Variants in TIAM1 observed in about 807,000 individuals in gnomAD.
The protein encoded by TIAM1 is rho guanine nucleotide exchange factor TIAM1.
In TIAM1, 65 loss-of-function variants were observed where a neutral mutation model predicts 163.5. That is an observed-to-expected ratio of 0.40 (90% CI 0.33 to 0.49). The LOEUF is 0.49. Among genes scored for constraint, TIAM1 ranks in the 20% least tolerant of loss-of-function variants. TIAM1 has a pLI of 0.77. For missense variants in TIAM1, 1,789 were observed against 2,044.7 expected (o/e 0.87, Z 2.41); for synonymous variants, 833 against 810.1 (o/e 1.03, Z -0.48).
intron 2 of TIAM1, among the ~76,000 whole-genome samples, chr21:31,394,722 TCTCTCTCA>T (rs2077027946): frequency 1.7e-5 from 2 of 120,824 alleles, no homozygotes; most frequent in South Asian, 3.3e-4. Context: ...TCTCTCTCTC[TCTCTCTCA>T]CACACACACA....
chr21:31,493,342 A>T (rs959273566), intron 1 of TIAM1, among the ~76,000 whole-genome samples: 1 of 152,214 alleles, frequency 6.6e-6, no homozygotes, highest in African/African-American at 2.4e-5. Flanking sequence ...CACACAATCA[A>T]TCAATGATAA....
intron 6 of TIAM1, among the ~76,000 whole-genome samples, chr21:31,239,023 C>T (rs559722821): frequency 3.3e-5 from 5 of 152,224 alleles, no homozygotes; most frequent in South Asian, 4.2e-4. Flanking sequence ...ACATAGCCAC[C>T]GATCTCACAA....
intron 8 of TIAM1, among the ~76,000 whole-genome samples, chr21:31,222,409 C>T (rs765194202): frequency 3.3e-5 from 5 of 152,068 alleles, no homozygotes; most frequent in Non-Finnish European, 7.4e-5. Context: ...TTAGCAAGTA[C>T]ATGAAATTAC....
chr21:31,326,625 C>T (rs1457249094), intron 2 of TIAM1, among the ~76,000 whole-genome samples: 1 of 152,108 alleles, frequency 6.6e-6, no homozygotes, highest in African/African-American at 2.4e-5. Flanking sequence ...CAGGGTATTC[C>T]CCACGCCCTG....
chr21:31,119,536 A>G lies in TIAM1; in HGVS notation c.*832T>C, dbSNP rs1476461286. ...TCGCATGAGCTTGCTGGCCTTTCAT[A>G]TATAAATATAAAACCACCACGCCTC... On this transcript the variant is annotated 3_prime_UTR_variant, in exon 28 of 28. Transcript: ENST00000541036. The G allele has an allele frequency of 6.6e-6, 1 of 152,594 alleles. No individual in the cohort carries two copies. The highest frequency in any genetic ancestry group is 1.5e-5 in the Non-Finnish European group (1 of 68,034). 9.5% of individuals were successfully genotyped at this position (152,594 alleles called of 1,614,324 possible).
intron 2 of TIAM1, among the ~76,000 whole-genome samples, chr21:31,369,429 AG>A (rs2076557742): frequency 1.4e-5 from 2 of 145,460 alleles, no homozygotes; most frequent in African/African-American, 2.6e-5. Flanking sequence ...AGGGAGGATA[AG>A]GAAAGGTTGC....
At chr21:31,410,339 CGA>C (rs942291266) in intron 2 of TIAM1, among the ~76,000 whole-genome samples, 9 of 149,634 alleles carry the variant, frequency 6.0e-5, no homozygotes, top group Non-Finnish European at 8.9e-5. Context: ...TAGGAGACTG[CGA>C]GTGTGTGTGT....
At chr21:31,244,549 A>T (rs753110688) in intron 6 of TIAM1, among the ~76,000 whole-genome samples, 7 of 152,062 alleles carry the variant, frequency 4.6e-5, no homozygotes, top group Admixed American at 3.9e-4. Context: ...ATATGGTGAA[A>T]CCCCGTATCT....
chr21:31,187,583 G>A (rs140593056), intron 13 of TIAM1, among the ~76,000 whole-genome samples: 38 of 152,122 alleles, frequency 2.5e-4, no homozygotes, highest in Admixed American at 5.9e-4. Flanking sequence ...CTCACATTAC[G>A]AATCTGTAAT....
intron 4 of TIAM1, among the ~76,000 whole-genome samples, chr21:31,261,572 G>A (rs2072477932): frequency 6.6e-6 from 1 of 152,112 alleles, no homozygotes; most frequent in Admixed American, 6.5e-5. Flanking sequence ...AATTAGCCAG[G>A]CGCCGTGGTG....
intron 14 of TIAM1, among the ~76,000 whole-genome samples, chr21:31,186,088 T>C (rs1253496468): frequency 1.3e-5 from 2 of 152,214 alleles, no homozygotes; most frequent in African/African-American, 4.8e-5. Flanking sequence ...GCAAATCATC[T>C]AGGTTGCAAA....
chr21:31,394,661 C>G (rs186964013), intron 2 of TIAM1, among the ~76,000 whole-genome samples: 89 of 151,082 alleles, frequency 5.9e-4, no homozygotes, highest in Non-Finnish European at 1.1e-3. Flanking sequence ...CAACCTAAAA[C>G]TCCTCTAAAA....
At chr21:31,125,431 C>T (rs724561) in intron 26 of TIAM1, among the ~76,000 whole-genome samples, 65,038 of 151,914 alleles carry the variant, frequency 0.43, 14,903 homozygotes, top group East Asian at 0.59. Flanking sequence ...TCAAACCCCA[C>T]GAGGTTATAC....
intron 11 of TIAM1, among the ~76,000 whole-genome samples, chr21:31,204,814 C>A (rs1358331197): frequency 6.6e-6 from 1 of 152,208 alleles, no homozygotes; most frequent in Non-Finnish European, 1.5e-5. Context: ...GAAATGAGTT[C>A]ACTCTGAACA....
At chr21:31,281,461 A>G (rs1488306705) in intron 2 of TIAM1, among the ~76,000 whole-genome samples, 1 of 152,230 alleles carries the variant, frequency 6.6e-6, no homozygotes, top group Non-Finnish European at 1.5e-5. Flanking sequence ...TAGTGTCCCC[A>G]AATTTTCCAT....
intron 1 of TIAM1, among the ~76,000 whole-genome samples, chr21:31,343,086 T>A (rs1483422163): frequency 6.6e-6 from 1 of 152,158 alleles, no homozygotes; most frequent in Non-Finnish European, 1.5e-5. Flanking sequence ...CTTCATTTCT[T>A]CCCCTCAAAG....
intron 2 of TIAM1, among the ~76,000 whole-genome samples, chr21:31,283,083 G>A (rs1461524129): frequency 6.6e-6 from 1 of 152,092 alleles, no homozygotes; most frequent in Non-Finnish European, 1.5e-5. Flanking sequence ...AAGTAAAGTC[G>A]GTACATTTCA....
chr21:31,256,285 G>A (rs1359652938), intron 4 of TIAM1, among the ~76,000 whole-genome samples: 2 of 152,300 alleles, frequency 1.3e-5, no homozygotes, highest in East Asian at 1.9e-4. Flanking sequence ...GCCAGAAAGT[G>A]CAAAGGCTCT....
At chr21:31,341,794 G>A (rs1252072018) in intron 1 of TIAM1, among the ~76,000 whole-genome samples, 2 of 152,164 alleles carry the variant, frequency 1.3e-5, no homozygotes, top group East Asian at 3.8e-4. Flanking sequence ...GGCTGTTTAA[G>A]GCCTTTTTCG....
Sources: gnomAD v4.1 joint callset for allele counts (sites outside exome capture counted in the v4.1 genomes callset) on GRCh38, gnomAD v4.1.1 for gene constraint, MANE v1.5 for transcripts, NCBI Gene and HGNC (gene_info 2026-07-23, HGNC 2026-07-21) for gene names.